The following HOOK3 variants were observed in gnomAD, a reference collection of about 807,000 sequenced individuals.
The protein encoded by HOOK3 is protein Hook homolog 3.
In HOOK3, 24 loss-of-function variants were observed where a neutral mutation model predicts 116.3. The observed-to-expected ratio is 0.21, with a 90% confidence interval of 0.15 to 0.29. The LOEUF (loss-of-function observed/expected upper bound fraction) is 0.29, where lower values mean the gene tolerates loss of function less well. Among genes scored for constraint, HOOK3 ranks in the 10% least tolerant of loss-of-function variants. The pLI is 1.00. For synonymous variants in HOOK3, 275 were observed against 283.0 expected (o/e 0.97, Z 0.28); for missense variants, 632 against 830.2 (o/e 0.76, Z 2.93).
chr8:43,011,228 C>T (rs978562617), intron 19 of HOOK3, among the ~76,000 whole-genome samples: 12 of 152,016 alleles, frequency 7.9e-5, no homozygotes, highest in African/African-American at 1.9e-4. Flanking sequence ...CTCCTGACCT[C>T]GTGATCCGCC....
chr8:42,902,294 C>G (rs1417051803), intron 1 of HOOK3, among the ~76,000 whole-genome samples: 1 of 146,710 alleles, frequency 6.8e-6, no homozygotes, highest in South Asian at 2.2e-4. Flanking sequence ...TTTTTTAAGA[C>G]AGGGTCTCAC....
At chr8:43,016,618 A>G (rs569693457) in intron 21 of HOOK3, among the ~76,000 whole-genome samples, 2 of 152,354 alleles carry the variant, frequency 1.3e-5, no homozygotes, top group African/African-American at 4.8e-5. Context: ...CAATAGACTG[A>G]GGTCTTTAAC....
chr8:42,963,120 G>A (rs950693038), intron 8 of HOOK3, among the ~76,000 whole-genome samples: 4 of 151,736 alleles, frequency 2.6e-5, no homozygotes, highest in Non-Finnish European at 5.9e-5. Context: ...GACTTCTTAC[G>A]TTATTTTGAG....
chr8:42,976,509 G>A lies in HOOK3; in HGVS notation c.1321+2315G>A, dbSNP rs531240551. On this transcript the variant is annotated intron_variant, in intron 13 of 21. Transcript: ENST00000307602. Reference sequence around the variant, plus strand: ...TGGACAACAAAAAGGAAAAGAAAAGGGCCAATTTAGTAATAGGACAATTTG... The same window carrying A: ...TGGACAACAAAAAGGAAAAGAAAAGAGCCAATTTAGTAATAGGACAATTTG... 2.0e-5 allele frequency among the ~76,000 whole-genome samples: 3 copies of A among 151,856 alleles called. No individual in the cohort carries two copies. The South Asian group carries it at 6.2e-4, about 32-fold the overall frequency.
chr8:42,922,879 C>CA (rs796695239), intron 2 of HOOK3, among the ~76,000 whole-genome samples: 828 of 85,742 alleles, frequency 9.7e-3, no homozygotes, highest in African/African-American at 0.012. Flanking sequence ...GACTCTGTCT[C>CA]AAAAAAAAAA....
chr8:42,964,698 G>A (rs886754134), intron 9 of HOOK3, among the ~76,000 whole-genome samples: 8 of 151,928 alleles, frequency 5.3e-5, no homozygotes, highest in African/African-American at 9.7e-5. Flanking sequence ...ATGATGGCAG[G>A]TGCCTGTAAT....
rs1353497631 is a variant in HOOK3, at chr8:43,021,587, C to T, written c.*3089C>T. 3 of 179,900 alleles carry T rather than the reference C, an allele frequency of 1.7e-5. No individual in the cohort carries two copies. The highest frequency in any genetic ancestry group is 2.4e-5 in the Non-Finnish European group (2 of 84,216). 11.1% of individuals were successfully genotyped at this position (179,900 alleles called of 1,614,324 possible). On this transcript the variant is annotated 3_prime_UTR_variant, in exon 22 of 22. Coordinates refer to ENST00000307602, the MANE Select transcript of HOOK3 (RefSeq NM_032410.4). Reference sequence around the variant, plus strand: ...AAGTGCTGAGATTACAGGCACGAGCCACCGCGCCCAGTCGTACTTCTGACT... The same window carrying T: ...AAGTGCTGAGATTACAGGCACGAGCTACCGCGCCCAGTCGTACTTCTGACT...
At chr8:43,007,016 ATTTTTTTTTTTTT>A (rs58609523) in intron 17 of HOOK3, among the ~76,000 whole-genome samples, 7 of 103,278 alleles carry the variant, frequency 6.8e-5, no homozygotes, top group South Asian at 3.2e-4. Context: ...AAGTTCCTAG[ATTTTTTTTTTTTT>A]TTTTTTTTTT....
intron 4 of HOOK3, among the ~76,000 whole-genome samples, chr8:42,933,684 A>C (rs1005568460): frequency 3.3e-5 from 5 of 151,776 alleles, no homozygotes; most frequent in Non-Finnish European, 7.4e-5. Context: ...CATGAGAGAT[A>C]CTTATTTTAA....
At chr8:42,905,259 AT>A (rs1219649818) in intron 1 of HOOK3, among the ~76,000 whole-genome samples, 2 of 139,488 alleles carry the variant, frequency 1.4e-5, no homozygotes, top group African/African-American at 5.4e-5. Flanking sequence ...AGATTTTTAA[AT>A]TCAGTAGTTC....
At chr8:42,955,284 A>C (rs1163917689) in intron 6 of HOOK3, among the ~76,000 whole-genome samples, 2 of 152,116 alleles carry the variant, frequency 1.3e-5, no homozygotes, top group Non-Finnish European at 1.5e-5. Context: ...TCACATAGGG[A>C]GGTTCTGCAG....
chr8:42,990,270 A>G (rs573691690), intron 15 of HOOK3, among the ~76,000 whole-genome samples: 14 of 135,166 alleles, frequency 1.0e-4, no homozygotes, highest in South Asian at 2.7e-4. Context: ...TGCTGGGATT[A>G]TAGGCATGAA....
chr8:43,012,052 C>T (rs999448826), intron 19 of HOOK3, among the ~76,000 whole-genome samples: 2 of 152,160 alleles, frequency 1.3e-5, no homozygotes, highest in Non-Finnish European at 2.9e-5. Flanking sequence ...AGGACCCTCT[C>T]CCCAAAGTAC....
At chr8:42,918,614 G>C (rs1226329924) in intron 2 of HOOK3, among the ~76,000 whole-genome samples, 1 of 151,948 alleles carries the variant, frequency 6.6e-6, no homozygotes, top group Non-Finnish European at 1.5e-5. Flanking sequence ...TTGAGATTAG[G>C]GAGTGGTGAT....
Position 42,982,716 on chromosome 8 carries a change from C to T in HOOK3, c.1391+20C>T. 3 of 1,478,218 alleles carry T rather than the reference C, an allele frequency of 2.0e-6. No homozygotes were observed. The highest frequency in any genetic ancestry group is 2.8e-6 in the Non-Finnish European group (3 of 1,056,582). 91.6% of individuals were successfully genotyped at this position (1,478,218 alleles called of 1,614,324 possible). A position where few individuals can be genotyped will look rare whatever the true frequency, so the allele number is the denominator to read the frequency against. ...AATCAGGTAAGGAGATTGTGGTGTT[C>T]ACACTTACACTGCACAGTATTCTTG... On this transcript the variant is annotated intron_variant, in intron 14 of 21. Coordinates refer to ENST00000307602, the MANE Select transcript of HOOK3 (RefSeq NM_032410.4).
intron 7 of HOOK3, among the ~76,000 whole-genome samples, chr8:42,957,633 G>A (rs1356246031): frequency 6.6e-6 from 1 of 151,992 alleles, no homozygotes; most frequent in Non-Finnish European, 1.5e-5. Flanking sequence ...TTTATGGTTT[G>A]TATATAATGC....
At chr8:42,916,556 G>A (rs763531453) in intron 2 of HOOK3, among the ~76,000 whole-genome samples, 2 of 152,202 alleles carry the variant, frequency 1.3e-5, no homozygotes, top group Admixed American at 6.5e-5. Context: ...ATTAAGATGC[G>A]TCAGCAGTCA....
At chr8:42,994,899 A>G (rs2130463986) in intron 15 of HOOK3, among the ~76,000 whole-genome samples, 1 of 152,366 alleles carries the variant, frequency 6.6e-6, no homozygotes, top group South Asian at 2.1e-4. Context: ...GTTGGCTTAC[A>G]GTATTGTTTG....
chr8:42,999,613 A>G (rs1809342420), intron 16 of HOOK3, among the ~76,000 whole-genome samples: 1 of 152,184 alleles, frequency 6.6e-6, no homozygotes, highest in South Asian at 2.1e-4. Context: ...GAACAACATA[A>G]TTTCTGCCAG....
Sources: gnomAD v4.1 joint callset for allele counts (sites outside exome capture counted in the v4.1 genomes callset) on GRCh38, gnomAD v4.1.1 for gene constraint, MANE v1.5 for transcripts, NCBI Gene and HGNC (gene_info 2026-07-23, HGNC 2026-07-21) for gene names.